The following DTNB variants were observed in gnomAD, a reference collection of about 807,000 sequenced individuals.
DTNB encodes DTN-B.
A neutral mutation model predicts 90.7 loss-of-function variants in DTNB; 63 were observed. The ratio of observed to expected loss-of-function variants is 0.69; its 90% CI spans 0.57 to 0.86. DTNB has a LOEUF of 0.86. Among genes scored for constraint, DTNB ranks in the 40% least tolerant of loss-of-function variants. The pLI, the probability that DTNB is intolerant of heterozygous loss-of-function variation, is 0.00. For synonymous variants in DTNB, 277 were observed against 286.7 expected (o/e 0.97, Z 0.34); for missense variants, 744 against 807.1 (o/e 0.92, Z 0.95).
At chr2:25,640,924 C>T (rs540785654) in intron 2 of DTNB, among the ~76,000 whole-genome samples, 132 of 152,110 alleles carry the variant, frequency 8.7e-4, no homozygotes, top group African/African-American at 2.8e-3. Flanking sequence ...GAGAATGGCA[C>T]GAACCCGGGA....
intron 4 of DTNB, among the ~76,000 whole-genome samples, chr2:25,612,347 C>T (rs1197051051): frequency 6.6e-6 from 1 of 152,012 alleles, no homozygotes; most frequent in Non-Finnish European, 1.5e-5. Context: ...TATGTATAAA[C>T]TATATGTGAC....
intron 8 of DTNB, among the ~76,000 whole-genome samples, chr2:25,570,921 A>G (rs2059769450): frequency 6.6e-6 from 1 of 152,216 alleles, no homozygotes; most frequent in African/African-American, 2.4e-5. Flanking sequence ...CTTAAACTCT[A>G]GACTCATAAT....
At chr2:25,409,888 A>G (rs1172976887) in intron 16 of DTNB, among the ~76,000 whole-genome samples, 1 of 152,162 alleles carries the variant, frequency 6.6e-6, no homozygotes, top group Non-Finnish European at 1.5e-5. Context: ...TCAGTTGCGC[A>G]TGTCCAAATA....
chr2:25,475,053 A>C (rs990287482), intron 10 of DTNB, among the ~76,000 whole-genome samples: 1 of 152,178 alleles, frequency 6.6e-6, no homozygotes, highest in Non-Finnish European at 1.5e-5. Flanking sequence ...GCCAGTTCAT[A>C]ACCCTATTAT....
chr2:25,397,761 T>C (rs1573829414), intron 16 of DTNB, among the ~76,000 whole-genome samples: 2 of 149,968 alleles, frequency 1.3e-5, no homozygotes, highest in African/African-American at 4.9e-5. Flanking sequence ...ATGCCTATAA[T>C]CCCAGCTACT....
In DTNB at chr2:25,626,147, T is replaced by C. The variant is rs1369238036; in HGVS notation, c.362+2024A>G. 3.3e-5 allele frequency among the ~76,000 whole-genome samples: 5 copies of C among 152,198 alleles called. No homozygotes were observed. The East Asian group carries it at 9.6e-4, about 29-fold the overall frequency. ...TAAAGCGCCATAGTATTTAACTTAC[T>C]TGACATGATTATGGAATCCAAGATT... On this transcript the variant is annotated intron_variant, in intron 4 of 20. Coordinates refer to ENST00000406818, the MANE Select transcript of DTNB (RefSeq NM_021907.5).
intron 4 of DTNB, among the ~76,000 whole-genome samples, chr2:25,621,432 A>G (rs2072583780): frequency 1.3e-5 from 2 of 149,000 alleles, no homozygotes; most frequent in South Asian, 4.2e-4. Flanking sequence ...ATTCAAATTA[A>G]ACTGCTAAAT....
intron 9 of DTNB, among the ~76,000 whole-genome samples, chr2:25,517,017 G>A (rs1374231431): frequency 2.6e-5 from 4 of 152,172 alleles, no homozygotes; most frequent in South Asian, 4.1e-4. Flanking sequence ...TCATAGCAGC[G>A]TTATTCATAA....
At chr2:25,570,097 GAAAAA>G (rs58904320) in intron 8 of DTNB, among the ~76,000 whole-genome samples, 1 of 124,928 alleles carries the variant, frequency 8.0e-6, no homozygotes, top group Non-Finnish European at 1.7e-5. Context: ...ACTGCATCTG[GAAAAA>G]AAAAAAAAAA....
At chr2:25,388,805 CGTGT>C (rs112323714) in intron 16 of DTNB, among the ~76,000 whole-genome samples, 3,068 of 149,252 alleles carry the variant, frequency 0.021, 103 homozygotes, top group African/African-American at 0.069. Flanking sequence ...AAAGGACATA[CGTGT>C]GTGTGTGTGT....
At chr2:25,518,538 G>A (rs558260093) in intron 9 of DTNB, among the ~76,000 whole-genome samples, 1 of 151,966 alleles carries the variant, frequency 6.6e-6, no homozygotes, top group Non-Finnish European at 1.5e-5. Flanking sequence ...ATGCACATGT[G>A]TGAGTTTGTG....
intron 10 of DTNB, among the ~76,000 whole-genome samples, chr2:25,464,621 G>C (rs185832457): frequency 9.7e-4 from 147 of 152,312 alleles, no homozygotes; most frequent in African/African-American, 3.3e-3. Context: ...ACCATGCTTA[G>C]GGATTTCCAA....
At chr2:25,573,511 C>A (rs2060193516) in intron 8 of DTNB, among the ~76,000 whole-genome samples, 1 of 152,172 alleles carries the variant, frequency 6.6e-6, no homozygotes, top group Non-Finnish European at 1.5e-5. Flanking sequence ...CCTTTCACTG[C>A]CCCAAGAGTC....
intron 9 of DTNB, among the ~76,000 whole-genome samples, chr2:25,514,536 T>C (rs917096478): frequency 3.5e-5 from 5 of 144,504 alleles, no homozygotes; most frequent in Non-Finnish European, 6.0e-5. Context: ...GGTTATGTCA[T>C]AGGACAAATA....
At chr2:25,459,706 A>C (rs556876645) in intron 10 of DTNB, among the ~76,000 whole-genome samples, 141 of 151,932 alleles carry the variant, frequency 9.3e-4, no homozygotes, top group Non-Finnish European at 1.6e-3. Context: ...GGTGGCCAGG[A>C]TGGTCTTGAA....
At chr2:25,398,709 C>T (rs933624734) in intron 16 of DTNB, among the ~76,000 whole-genome samples, 1 of 152,172 alleles carries the variant, frequency 6.6e-6, no homozygotes, top group Non-Finnish European at 1.5e-5. Context: ...CTTGCCACTC[C>T]CTCTGCTGGG....
intron 1 of DTNB, among the ~76,000 whole-genome samples, chr2:25,662,681 A>ACAC (rs35419647): frequency 4.8e-5 from 5 of 104,462 alleles, no homozygotes; most frequent in East Asian, 2.4e-4. Flanking sequence ...CACACACACA[A>ACAC]ACACACACAC....
intron 9 of DTNB, among the ~76,000 whole-genome samples, chr2:25,515,572 CATTTATTTATTTATTT>C (rs60019416): frequency 6.7e-6 from 1 of 150,058 alleles, no homozygotes; most frequent in African/African-American, 2.5e-5. Context: ...GATATCCATG[CATTTATTTATTTATTT>C]ATTTATTTAT....
At chr2:25,616,418 C>A (rs2070530656) in intron 4 of DTNB, among the ~76,000 whole-genome samples, 1 of 151,982 alleles carries the variant, frequency 6.6e-6, no homozygotes, top group Admixed American at 6.6e-5. Context: ...TTCAAAATAT[C>A]CTTTGACTCA....
Sources: allele counts gnomAD v4.1 joint callset (sites outside exome capture counted in the v4.1 genomes callset), GRCh38; gene constraint gnomAD v4.1.1; transcripts MANE v1.5; gene names NCBI Gene and HGNC (gene_info 2026-07-23, HGNC 2026-07-21).